The following CDK5RAP1 variants were observed in gnomAD, a reference collection of about 807,000 sequenced individuals.
The protein encoded by CDK5RAP1 is mitochondrial tRNA methylthiotransferase CDK5RAP1.
CDK5RAP1 carries 62 observed loss-of-function variants against 64.5 expected under a neutral mutation model. The observed-to-expected ratio is 0.96, with a 90% CI of 0.78 to 1.19. The LOEUF is 1.19. CDK5RAP1 is among the 50% of genes most tolerant of loss of function. The pLI is 0.00. For missense variants in CDK5RAP1, 657 were observed against 735.0 expected, an observed-to-expected ratio of 0.89 and a Z score of 1.23; for synonymous variants, 250 against 261.9, an observed-to-expected ratio of 0.95 and a Z score of 0.44.
At chr20:33,383,741 C>A (rs77593741) in intron 7 of CDK5RAP1, among the ~76,000 whole-genome samples, 98 of 91,098 alleles carry the variant, frequency 1.1e-3, no homozygotes, top group Admixed American at 1.7e-3. Flanking sequence ...AACTCTGTCT[C>A]AAAAAAAAAA....
At chr20:33,365,997 T>C (rs1160052948) in intron 12 of CDK5RAP1, among the ~76,000 whole-genome samples, 1 of 152,152 alleles carries the variant, frequency 6.6e-6, no homozygotes, top group Non-Finnish European at 1.5e-5. Context: ...TAGCCCCAAG[T>C]AAGTAATGGC....
intron 1 of CDK5RAP1, among the ~76,000 whole-genome samples, chr20:33,400,126 C>T (rs1177050551): frequency 6.6e-6 from 1 of 152,234 alleles, no homozygotes; most frequent in Non-Finnish European, 1.5e-5. Context: ...TCCTGAGAAA[C>T]TAATTCCGTG....
chr20:33,390,971 G>A (rs148290295), intron 5 of CDK5RAP1, among the ~76,000 whole-genome samples: 2 of 152,274 alleles, frequency 1.3e-5, no homozygotes, highest in African/African-American at 2.4e-5. Context: ...AAGATGATAG[G>A]CCTGGTGCAG....
At chr20:33,381,332 T>C (rs1986728107) in intron 7 of CDK5RAP1, among the ~76,000 whole-genome samples, 1 of 152,222 alleles carries the variant, frequency 6.6e-6, no homozygotes, top group Non-Finnish European at 1.5e-5. Flanking sequence ...TTCAGGACAA[T>C]TATCAAAATC....
In CDK5RAP1 at chr20:33,358,854, G is replaced by A; in HGVS notation, c.*189C>T. 1 of 548,290 alleles carries A rather than the reference G, an allele frequency of 1.8e-6. No homozygotes were observed. The highest frequency in any genetic ancestry group is 3.2e-6 in the Non-Finnish European group (1 of 309,752). The allele number at this position is 548,290 out of a possible 1,614,324, so 34.0% of individuals were successfully genotyped here. ...AGACAAAGGGTTAACCTTAGTTTAG[G>A]TAAATTTAATGACTGTAAAAGCTGT... On this transcript the variant is annotated 3_prime_UTR_variant, in exon 14 of 14. Transcript: ENST00000346416.
intron 6 of CDK5RAP1, 116 bp downstream of exon 6, chr20:33,387,207 G>T: frequency 1.3e-6 from 1 of 757,924 alleles, no homozygotes; most frequent in Non-Finnish European, 2.1e-6. Context: ...AGTGAGCCCT[G>T]ATCATGACAC....
intron 6 of CDK5RAP1, 59 bp downstream of exon 6, chr20:33,387,264 A>G: frequency 1.5e-6 from 2 of 1,363,364 alleles, no homozygotes; most frequent in Non-Finnish European, 2.0e-6. Context: ...CTCAAAAAAA[A>G]AAAAAAAAGT....
intron 5 of CDK5RAP1, among the ~76,000 whole-genome samples, chr20:33,390,936 G>T (rs1171675424): frequency 1.3e-5 from 2 of 152,132 alleles, no homozygotes; most frequent in Non-Finnish European, 2.9e-5. Flanking sequence ...ATATAGATCA[G>T]AACTGCCCAA....
chr20:33,387,272 A>G (rs191851389), intron 6 of CDK5RAP1, 51 bp downstream of exon 6: 4 of 1,364,692 alleles, frequency 2.9e-6, no homozygotes, highest in African/African-American at 2.9e-5. Flanking sequence ...AAAAAAAAAA[A>G]GTGTGAAAGG....
At chr20:33,365,282 GT>G (rs1416163275) in intron 12 of CDK5RAP1, among the ~76,000 whole-genome samples, 1 of 151,224 alleles carries the variant, frequency 6.6e-6, no homozygotes, top group Non-Finnish European at 1.5e-5. Flanking sequence ...GTTTATTTGG[GT>G]TTTTTTGAAA....
upstream of CDK5RAP1, chr20:33,401,565 G>A: frequency 5.1e-6 from 5 of 985,436 alleles, no homozygotes; most frequent in South Asian, 4.7e-5. Flanking sequence ...TCATGCTAAC[G>A]GAAGTGCTTC....
intron 10 of CDK5RAP1, among the ~76,000 whole-genome samples, chr20:33,371,909 A>G (rs1600726204): frequency 6.6e-6 from 1 of 152,202 alleles, no homozygotes; most frequent in African/African-American, 2.4e-5. Context: ...ATGGAATAAG[A>G]TAATACGAAA....
intron 5 of CDK5RAP1, among the ~76,000 whole-genome samples, chr20:33,389,741 G>A (rs1600791957): frequency 6.6e-6 from 1 of 152,086 alleles, no homozygotes; most frequent in Non-Finnish European, 1.5e-5. Context: ...CCATGATGAC[G>A]ATGGCGGTTT....
Position 33,372,649 on chromosome 20 carries a change from A to G in CDK5RAP1, c.1254T>C (p.Ser418=). The change falls in exon 10 of 14, where the codon TCT becomes TCC. Residue 418 remains serine (S), a synonymous_variant. Transcript: ENST00000346416. ...TGAGTTTCTTAAATGTACCTGGAATAGATTCTCTAATATGGTGAACTAACT... is the reference window on the plus strand; with the variant it reads ...TGAGTTTCTTAAATGTACCTGGAATGGATTCTCTAATATGGTGAACTAACT... ...YVELVHHIRE[S]IPGVSLSSDF... The G allele has an allele frequency of 6.5e-7, 1 of 1,531,340 alleles. No individual in the cohort carries two copies. Among genetic ancestry groups the G allele is most frequent in the Non-Finnish European group, 8.8e-7 (1 of 1,141,162 alleles). The allele number at this position is 1,531,340 out of a possible 1,614,324, so 94.9% of individuals were successfully genotyped here.
At position 33,394,062 on chromosome 20, in the gene CDK5RAP1, T is replaced by A; in HGVS notation, c.413A>T (p.Asp138Val). Residue 138 changes from aspartate (D) to valine (V), a missense_variant, in exon 4 of 14, where the codon GAT (aspartate) becomes GTT (valine). By Grantham distance (152) the Asp-to-Val change is radical. Coordinates refer to ENST00000346416, the MANE Select transcript of CDK5RAP1 (RefSeq NM_016408.4). ...AGAGCATGTGACAAGGAGAATCACA[T>A]CTGCCTGAATGGAAAGAAAGGAAAA... is the stretch of plus-strand genomic sequence containing the variant. ...YLRTSNLQEA[D>V]VILLVTCSIR... 2 of 1,595,872 alleles carry A rather than the reference T, an allele frequency of 1.3e-6. No individual in the cohort carries two copies. The highest frequency in any genetic ancestry group is 1.7e-6 in the Non-Finnish European group (2 of 1,163,288).
chr20:33,386,588 C>T (rs985279724), intron 6 of CDK5RAP1, among the ~76,000 whole-genome samples: 1 of 152,088 alleles, frequency 6.6e-6, no homozygotes, highest in South Asian at 2.1e-4. Flanking sequence ...GAAGTTAAAT[C>T]GCTCTCTTTA....
intron 5 of CDK5RAP1, among the ~76,000 whole-genome samples, chr20:33,389,555 G>A (rs1439069665): frequency 2.1e-4 from 31 of 146,250 alleles, no homozygotes; most frequent in East Asian, 8.3e-4. Flanking sequence ...GTCAGCCCCC[G>A]CCCGGCCAGC....
At chr20:33,375,958 A>T (rs1309311104) in intron 8 of CDK5RAP1, among the ~76,000 whole-genome samples, 1 of 152,190 alleles carries the variant, frequency 6.6e-6, no homozygotes, top group Non-Finnish European at 1.5e-5. Context: ...TGCTAGGCCA[A>T]GCGATCCTCC....
rs974451158 is a variant in CDK5RAP1 at position 33,392,214 on chromosome 20, G to A, written c.472C>T (p.Arg158Cys). Residue 158 changes from arginine to cysteine, a missense_variant, in exon 5 of 14, where the codon CGT (arginine) becomes TGT (cysteine). Arg to Cys is a radical substitution (Grantham distance 180). Coordinates refer to ENST00000346416, the MANE Select transcript of CDK5RAP1 (RefSeq NM_016408.4). ...REKAEQTIWN[R>C]LHQLKALKTR... Reference sequence around the variant, plus strand: ...TTCAAGGCTTTAAGCTGATGTAAACGGTTCCAGATGGTCTGCTCAGCCTTC... The same window carrying A: ...TTCAAGGCTTTAAGCTGATGTAAACAGTTCCAGATGGTCTGCTCAGCCTTC... 23 of 1,613,508 alleles carry A rather than the reference G, an allele frequency of 1.4e-5. No individual in the cohort carries two copies. Among genetic ancestry groups the A allele is most frequent in the Admixed American group, 3.3e-5 (2 of 59,964 alleles).
Sources: gnomAD v4.1 joint callset for allele counts (sites outside exome capture counted in the v4.1 genomes callset) on GRCh38, gnomAD v4.1.1 for gene constraint, MANE v1.5 for transcripts, NCBI Gene and HGNC (gene_info 2026-07-23, HGNC 2026-07-21) for gene names.